EIPR1: variants seen among roughly 807,000 people sequenced by gnomAD.
EIPR1 encodes the protein EARP complex and GARP complex interacting protein 1.
In EIPR1, 25 loss-of-function variants were observed where a neutral mutation model predicts 48.1. The observed-to-expected ratio is 0.52, with a 90% CI of 0.38 to 0.73. The LOEUF (loss-of-function observed/expected upper bound fraction) is 0.73, where lower values mean the gene tolerates loss of function less well. Among genes scored for constraint, EIPR1 ranks in the 30% least tolerant of loss-of-function variants. EIPR1 has a pLI of 0.00. For missense variants in EIPR1, 415 were observed against 506.2 expected (o/e 0.82, Z 1.73); for synonymous variants, 204 against 201.9 (o/e 1.01, Z -0.09).
chr2:3,189,442 G>A lies in EIPR1; in HGVS notation c.1056C>T (p.Ala352=), dbSNP rs372052240. The A allele has an allele frequency of 1.4e-4, 219 of 1,591,620 alleles. No homozygotes were observed. Among genetic ancestry groups the A allele is most frequent in the Non-Finnish European group, 1.7e-4 (195 of 1,167,726 alleles). ...ACGGGTCAGCCGAGGACCAGTCCACGGCATAGACGCTGTCCTCGTGCTCCT... is the reference window on the plus strand; with the variant it reads ...ACGGGTCAGCCGAGGACCAGTCCACAGCATAGACGCTGTCCTCGTGCTCCT... The part of the protein sequence containing the change: ...TYEEHEDSVY[A]VDWSSADPWL... The change falls in exon 9 of 9, where the codon GCC becomes GCT. Residue 352 remains alanine, a synonymous_variant. Coordinates refer to ENST00000382125, the MANE Select transcript of EIPR1 (RefSeq NM_003310.5). This position sits in a 1 kb window ranked among gnomAD's most constrained non-coding sequence, Gnocchi z 4.6.
intron 4 of EIPR1, 23 bp downstream of exon 4, chr2:3,257,276 G>T (rs6711665): frequency 1.2e-6 from 2 of 1,604,870 alleles, no homozygotes; most frequent in South Asian, 1.1e-5. Context: ...CGTTCTGGGC[G>T]CATGAAATAT....
chr2:3,194,101 T>C lies in EIPR1; in HGVS notation c.719A>G (p.Lys240Arg), dbSNP rs1664709311. 6.2e-7 allele frequency: 1 copy of C among 1,613,988 alleles called. No homozygotes were observed. Among genetic ancestry groups the C allele is most frequent in the African/African-American group, 1.3e-5 (1 of 75,046 alleles). ...LVRDLDFNPN[K>R]QYYLASCGDD... ...TCCGCAGCTGGCCAAGTAGTACTGC[T>C]TATTGGGATTAAAGTCAAGGTCCCG... is the stretch of plus-strand genomic sequence containing the variant. Residue 240 changes from lysine to arginine, a missense_variant, in exon 7 of 9, where the codon AAG becomes AGG. Coordinates refer to ENST00000382125, the MANE Select transcript of EIPR1 (RefSeq NM_003310.5).
At position 3,258,472 on chromosome 2, in the gene EIPR1, A is replaced by T. The variant is rs1667231181; in HGVS notation, c.260-1017T>A. 2.7e-5 allele frequency among the ~76,000 whole-genome samples: 4 copies of T among 150,596 alleles called. No homozygotes were observed. The Admixed American group carries it at 2.7e-4, about 10-fold the overall frequency. On this transcript the variant is annotated intron_variant, in intron 3 of 8. Coordinates refer to ENST00000382125, the MANE Select transcript of EIPR1 (RefSeq NM_003310.5). ...ATCATCAATTGATAACAAGTGAAGA[A>T]CATAAAAATATTATATATTGCGTTA...
chr2:3,196,782 C>G, intron 6 of EIPR1, 99 bp downstream of exon 6: 2 of 1,482,278 alleles, frequency 1.3e-6, no homozygotes. Context: ...ACCATGCGCC[C>G]CCAAAGGCAT....
At chr2:3,334,210 G>A (rs1477627644) in intron 3 of EIPR1, among the ~76,000 whole-genome samples, 3 of 152,136 alleles carry the variant, frequency 2.0e-5, no homozygotes, top group Non-Finnish European at 4.4e-5. Context: ...AGCACAATAG[G>A]AGAAAACACT....
chr2:3,264,591 A>C (rs1007959190), intron 3 of EIPR1, among the ~76,000 whole-genome samples: 8 of 152,254 alleles, frequency 5.3e-5, no homozygotes, highest in African/African-American at 1.9e-4. Flanking sequence ...AGTGGGTAGA[A>C]GCATCAACTA....
At chr2:3,334,836 A>T (rs1314827721) in intron 3 of EIPR1, among the ~76,000 whole-genome samples, 1 of 152,246 alleles carries the variant, frequency 6.6e-6, no homozygotes. Context: ...ACTTAACAGA[A>T]GATCTATGCT....
chr2:3,211,250 A>T (rs1438054344), intron 5 of EIPR1, among the ~76,000 whole-genome samples: 2 of 151,354 alleles, frequency 1.3e-5, no homozygotes. Context: ...GGTTCCACGC[A>T]TGAAGTTCTC....
intron 3 of EIPR1, chr2:3,300,724 A>G (rs1369935609): frequency 6.6e-6 from 1 of 152,260 alleles, no homozygotes; most frequent in African/African-American, 2.4e-5. Flanking sequence ...GATGCTGGGA[A>G]GTCCCGATGT....
At chr2:3,283,057 C>T (rs537274440) in intron 3 of EIPR1, among the ~76,000 whole-genome samples, 4 of 152,246 alleles carry the variant, frequency 2.6e-5, no homozygotes, top group Non-Finnish European at 5.9e-5. Context: ...ATTTTCAGTG[C>T]CCCCCAACCC....
intron 5 of EIPR1, among the ~76,000 whole-genome samples, chr2:3,198,659 C>T (rs1664893827): frequency 6.6e-6 from 1 of 152,050 alleles, no homozygotes; most frequent in Admixed American, 6.5e-5. Flanking sequence ...CTGGGGGAGA[C>T]ATCACATGTC....
chr2:3,339,667 G>C (rs1213968400), intron 2 of EIPR1, among the ~76,000 whole-genome samples: 1 of 152,208 alleles, frequency 6.6e-6, no homozygotes, highest in Non-Finnish European at 1.5e-5. Context: ...GAGTGGCATG[G>C]GCTGGGCGCG....
At chr2:3,308,959 CA>C (rs1669038485) in intron 3 of EIPR1, among the ~76,000 whole-genome samples, 1 of 152,126 alleles carries the variant, frequency 6.6e-6, no homozygotes. Flanking sequence ...AAGTTTGCCA[CA>C]AGCAGACCTA....
Position 3,189,325 on chromosome 2 carries a change from G to A in EIPR1, c.*9C>T. On this transcript the variant is annotated 3_prime_UTR_variant, in exon 9 of 9. Coordinates refer to ENST00000382125, the MANE Select transcript of EIPR1 (RefSeq NM_003310.5). The surrounding 1 kb of genome is among the most constrained non-coding windows in gnomAD (Gnocchi z 4.6). Reference sequence around the variant, plus strand: ...ACTCAATGGGACCTGGATAACCCAGGCCCGGGAGTCATAGCAGGATGTGGT... The same window carrying A: ...ACTCAATGGGACCTGGATAACCCAGACCCGGGAGTCATAGCAGGATGTGGT... The A allele has an allele frequency of 6.4e-7, 1 of 1,570,410 alleles. No homozygotes were observed. Among genetic ancestry groups the A allele is most frequent in the East Asian group, 2.3e-5 (1 of 43,734 alleles).
intron 3 of EIPR1, among the ~76,000 whole-genome samples, chr2:3,324,844 GA>G (rs1357092780): frequency 6.6e-6 from 1 of 152,210 alleles, no homozygotes; most frequent in African/African-American, 2.4e-5. Flanking sequence ...ACCTCGGGGG[GA>G]GGGCCTGACC....
At chr2:3,334,628 C>T (rs896052583) in intron 3 of EIPR1, among the ~76,000 whole-genome samples, 8 of 152,230 alleles carry the variant, frequency 5.3e-5, no homozygotes, top group African/African-American at 1.2e-4. Context: ...AGGTTAAGCA[C>T]GAGTCAAGCA....
chr2:3,302,068 G>A (rs993496070), intron 3 of EIPR1, among the ~76,000 whole-genome samples: 3 of 152,126 alleles, frequency 2.0e-5, no homozygotes, highest in Non-Finnish European at 4.4e-5. Flanking sequence ...GCCAGCAGTG[G>A]GAAAATCTCC....
chr2:3,313,997 G>T (rs1669207904), intron 3 of EIPR1, among the ~76,000 whole-genome samples: 1 of 152,190 alleles, frequency 6.6e-6, no homozygotes, highest in African/African-American at 2.4e-5. Context: ...GGGACCCGGG[G>T]AGGGTGGCAC....
intron 5 of EIPR1, among the ~76,000 whole-genome samples, chr2:3,209,538 C>A (rs765993238): frequency 1.3e-5 from 2 of 152,218 alleles, no homozygotes; most frequent in Non-Finnish European, 2.9e-5. Flanking sequence ...AGCGATCAGC[C>A]CCCTGAGGAG....
Sources: gnomAD v4.1 joint callset for allele counts (sites outside exome capture counted in the v4.1 genomes callset) on GRCh38, gnomAD v4.1.1 for gene constraint, Gnocchi (gnomAD v3.1) non-coding constraint, MANE v1.5 for transcripts, NCBI Gene and HGNC (gene_info 2026-07-23, HGNC 2026-07-21) for gene names.